ELAPOR2: variants seen among roughly 807,000 people sequenced by gnomAD.
ELAPOR2 encodes endosome-lysosome associated apoptosis and autophagy regulator family member 2, also known as endosome/lysosome-associated apoptosis and autophagy regulator family member 2.
ELAPOR2 carries 89 observed loss-of-function variants against 120.7 expected under a neutral mutation model. The ratio of observed to expected loss-of-function variants is 0.74; its 90% confidence interval spans 0.62 to 0.88. ELAPOR2 has a LOEUF of 0.88. ELAPOR2 is among the 40% of genes least tolerant of loss of function. ELAPOR2 has a pLI of 0.00. For synonymous variants in ELAPOR2, 444 were observed against 444.9 expected (o/e 1.00, Z 0.03); for missense variants, 1,134 against 1,251.6 (o/e 0.91, Z 1.42).
intron 1 of ELAPOR2, among the ~76,000 whole-genome samples, chr7:87,044,469 T>C (rs530034314): frequency 8.1e-6 from 1 of 122,802 alleles, no homozygotes; most frequent in South Asian, 3.0e-4. Context: ...TACAACTATC[T>C]GATCTTTGAC....
At chr7:86,949,536 AC>A (rs1791149469) in intron 2 of ELAPOR2, among the ~76,000 whole-genome samples, 1 of 152,122 alleles carries the variant, frequency 6.6e-6, no homozygotes, top group East Asian at 1.9e-4. Context: ...CAGGAGCTCC[AC>A]CATCCTGAGC....
At chr7:87,031,015 A>C (rs775732902) in intron 1 of ELAPOR2, among the ~76,000 whole-genome samples, 1 of 152,174 alleles carries the variant, frequency 6.6e-6, no homozygotes, top group Non-Finnish European at 1.5e-5. Flanking sequence ...AAACCATCAG[A>C]TCGCATGAGA....
At chr7:86,893,889 A>G (rs1788313234) in intron 19 of ELAPOR2, among the ~76,000 whole-genome samples, 1 of 152,104 alleles carries the variant, frequency 6.6e-6, no homozygotes, top group African/African-American at 2.4e-5. Context: ...ATCCAAGTAC[A>G]GCATATGGTT....
In ELAPOR2 at chr7:86,879,013, A is replaced by C. The variant is rs1799276780; in HGVS notation, c.*1458T>G. ...CACCACCTTCAGACACAAAAGTTAC[A>C]AGTCATACTTCATTGGAATGCTTGG... On this transcript the variant is annotated 3_prime_UTR_variant, in exon 22 of 22. Transcript: ENST00000450689. 6.6e-6 allele frequency: 1 copy of C among 152,172 alleles called. No individual in the cohort carries two copies. The highest frequency in any genetic ancestry group is 1.5e-5 in the Non-Finnish European group (1 of 68,008). The allele number at this position is 152,172 out of a possible 1,614,324, so 9.4% of individuals were successfully genotyped here.
Position 86,926,726 on chromosome 7 carries a change from G to T in ELAPOR2, c.1270+10C>A, listed in dbSNP as rs371150227. 37 of 1,599,700 alleles carry T rather than the reference G, an allele frequency of 2.3e-5. No individual in the cohort carries two copies. The highest frequency in any genetic ancestry group is 3.4e-6 in the Non-Finnish European group (4 of 1,172,898). ...TAAAGGCCCAGTTATTGGACCAATT[G>T]ACATCCTACCTTTGGTTCCATCTGA... On this transcript the variant is annotated intron_variant, in intron 9 of 21. Coordinates refer to ENST00000450689, the MANE Select transcript of ELAPOR2 (RefSeq NM_001142749.3).
intron 1 of ELAPOR2, among the ~76,000 whole-genome samples, chr7:86,978,278 A>G (rs1355021997): frequency 2.0e-5 from 3 of 152,228 alleles, no homozygotes; most frequent in Non-Finnish European, 4.4e-5. Flanking sequence ...GCCATGTGGA[A>G]CTGTGAATCA....
intron 13 of ELAPOR2, 129 bp from the exon 14 acceptor site, chr7:86,913,333 T>C (rs574968253): frequency 1.9e-5 from 16 of 837,528 alleles, no homozygotes; most frequent in Non-Finnish European, 2.7e-5. Flanking sequence ...TAATTGACAA[T>C]AGATTAATAT....
chr7:87,040,118 C>T (rs1418080791), intron 1 of ELAPOR2, among the ~76,000 whole-genome samples: 1 of 152,266 alleles, frequency 6.6e-6, no homozygotes, highest in Non-Finnish European at 1.5e-5. Context: ...TCGGAGGGTC[C>T]TACGCCCACG....
chr7:86,987,928 C>G (rs1792809962), intron 1 of ELAPOR2, among the ~76,000 whole-genome samples: 1 of 152,050 alleles, frequency 6.6e-6, no homozygotes, highest in Admixed American at 6.6e-5. Context: ...CTCACAATAG[C>G]AAAGACTTGG....
At chr7:86,984,786 A>G (rs1019648836) in intron 1 of ELAPOR2, among the ~76,000 whole-genome samples, 9 of 152,238 alleles carry the variant, frequency 5.9e-5, no homozygotes, top group African/African-American at 2.2e-4. Flanking sequence ...CTAGAGAAGC[A>G]AGAACAAACA....
intron 1 of ELAPOR2, among the ~76,000 whole-genome samples, chr7:87,026,151 GA>G (rs1794236691): frequency 6.6e-6 from 1 of 152,078 alleles, no homozygotes; most frequent in Non-Finnish European, 1.5e-5. Flanking sequence ...AAGTAAGGGG[GA>G]AAGCTGGAAG....
At chr7:86,981,362 T>C (rs1792474984) in intron 1 of ELAPOR2, among the ~76,000 whole-genome samples, 1 of 152,096 alleles carries the variant, frequency 6.6e-6, no homozygotes, top group African/African-American at 2.4e-5. Flanking sequence ...CTAACTGCCA[T>C]TATCATCTGT....
At chr7:86,972,475 A>T (rs1279912222) in intron 1 of ELAPOR2, among the ~76,000 whole-genome samples, 2 of 152,068 alleles carry the variant, frequency 1.3e-5, no homozygotes, top group Admixed American at 6.6e-5. Flanking sequence ...ACTTTTGCTC[A>T]CAGAATGTAA....
rs372658356 is a variant in ELAPOR2, at chr7:86,947,624, C to T, written c.506+103G>A. 2.0e-5 allele frequency: 21 copies of T among 1,048,344 alleles called. No homozygotes were observed. In the South Asian group the frequency reaches 3.4e-4, roughly 17 times the overall value. 64.9% of individuals were successfully genotyped at this position (1,048,344 alleles called of 1,614,324 possible). ...TTCTTTGCAATTAGCTTATCTATCA[C>T]CACAAACAGTACCAAGATTATCCTC... On this transcript the variant is annotated intron_variant, in intron 3 of 21. Coordinates refer to ENST00000450689, the MANE Select transcript of ELAPOR2 (RefSeq NM_001142749.3).
At chr7:86,904,077 C>G (rs891105473) in intron 18 of ELAPOR2, among the ~76,000 whole-genome samples, 1 of 152,148 alleles carries the variant, frequency 6.6e-6, no homozygotes, top group Non-Finnish European at 1.5e-5. Context: ...TCCATCGTGA[C>G]TATGCCACAC....
intron 1 of ELAPOR2, among the ~76,000 whole-genome samples, chr7:86,982,977 T>C (rs1247448966): frequency 1.3e-5 from 2 of 152,142 alleles, no homozygotes; most frequent in African/African-American, 2.4e-5. Flanking sequence ...AAAAACAGTG[T>C]AGAGAAGACC....
At chr7:86,957,496 C>T (rs1303029790) in intron 2 of ELAPOR2, among the ~76,000 whole-genome samples, 1 of 151,998 alleles carries the variant, frequency 6.6e-6, no homozygotes, top group Non-Finnish European at 1.5e-5. Context: ...GGAAGAAATT[C>T]TATAGTTGAA....
chr7:86,976,218 C>T (rs1006296670), intron 1 of ELAPOR2, among the ~76,000 whole-genome samples: 3 of 152,100 alleles, frequency 2.0e-5, no homozygotes, highest in Non-Finnish European at 2.9e-5. Context: ...GGAGAAAATC[C>T]TTATTATTCT....
At chr7:86,921,286 A>T (rs80181095) in intron 10 of ELAPOR2, among the ~76,000 whole-genome samples, 5,802 of 152,216 alleles carry the variant, frequency 0.038, 374 homozygotes, top group African/African-American at 0.13. Flanking sequence ...ATGAGGTTAT[A>T]AGGATGGGCC....
Sources: allele counts gnomAD v4.1 joint callset (sites outside exome capture counted in the v4.1 genomes callset), GRCh38; gene constraint gnomAD v4.1.1; transcripts MANE v1.5; gene names NCBI Gene and HGNC (gene_info 2026-07-23, HGNC 2026-07-21).